SYT16: variants seen among roughly 807,000 people sequenced by gnomAD.
The protein encoded by SYT16 is synaptotagmin 16.
A neutral mutation model predicts 61.4 loss-of-function variants in SYT16; 42 were observed. That is an observed-to-expected ratio of 0.68 (90% CI 0.53 to 0.89). The LOEUF (loss-of-function observed/expected upper bound fraction) is 0.89. Among genes scored for constraint, SYT16 ranks in the 40% least tolerant of loss-of-function variants. The pLI, the probability that SYT16 is intolerant of heterozygous loss-of-function variation, is 0.00. For synonymous variants in SYT16, 314 were observed against 302.3 expected (o/e 1.04, Z -0.40); for missense variants, 804 against 807.3 (o/e 1.00, Z 0.05).
chr14:61,921,320 G>T (rs1250119549), intron 1 of SYT16, among the ~76,000 whole-genome samples: 11 of 152,120 alleles, frequency 7.2e-5, no homozygotes, highest in African/African-American at 2.7e-4. Flanking sequence ...CTTGAATCAG[G>T]TCTAACTCCA....
chr14:62,047,959 A>C (rs913552529), intron 3 of SYT16, among the ~76,000 whole-genome samples: 8 of 152,274 alleles, frequency 5.3e-5, no homozygotes, highest in African/African-American at 1.9e-4. Flanking sequence ...TGTCTCTGCC[A>C]GGCTTTGGTA....
intron 3 of SYT16, among the ~76,000 whole-genome samples, chr14:62,059,253 G>T (rs753624214): frequency 1.3e-5 from 2 of 152,152 alleles, no homozygotes; most frequent in Non-Finnish European, 2.9e-5. Context: ...TTTAAAAACA[G>T]CCCTCAATTT....
intron 3 of SYT16, among the ~76,000 whole-genome samples, chr14:62,046,379 A>G (rs1028455074): frequency 1.3e-5 from 2 of 152,088 alleles, no homozygotes; most frequent in Non-Finnish European, 2.9e-5. Context: ...GTAGGTTGCA[A>G]AAATTTTCTC....
rs776037610 is a variant in SYT16, at chr14:62,080,841, A to G, written c.1001A>G (p.Asp334Gly). Residue 334 changes from aspartate (D) to glycine (G), a missense_variant, in exon 6 of 8, where the codon GAC becomes GGC. Physicochemically the swap from Asp to Gly is moderately conservative, Grantham distance 94. Transcript: ENST00000683842. ...TTCCTCTGCCTGCAACAGGAACAGG[A>G]CAGGACCAATTTGCAGGTGCCATCC... is the stretch of plus-strand genomic sequence containing the variant. The part of the protein sequence containing the change: ...SSSMWSPEEQ[D>G]RTNLQVPSGV... 8 of 1,596,252 alleles carry G rather than the reference A, an allele frequency of 5.0e-6. No homozygotes were observed. In the Admixed American group the frequency reaches 5.2e-5, roughly 10 times the overall value.
intron 3 of SYT16, among the ~76,000 whole-genome samples, chr14:62,005,420 G>A (rs1205791734): frequency 1.3e-5 from 2 of 152,082 alleles, no homozygotes; most frequent in East Asian, 1.9e-4. Flanking sequence ...GAGTCCCAAG[G>A]TTCCTATCCA....
intron 1 of SYT16, among the ~76,000 whole-genome samples, chr14:61,890,647 T>C (rs904467403): frequency 2.0e-5 from 3 of 152,204 alleles, no homozygotes; most frequent in African/African-American, 7.2e-5. Flanking sequence ...TTCATTGATA[T>C]ATGAGAAACT....
chr14:62,096,344 C>G (rs1336929020), intron 7 of SYT16, among the ~76,000 whole-genome samples: 2 of 152,024 alleles, frequency 1.3e-5, no homozygotes, highest in Non-Finnish European at 2.9e-5. Context: ...CACAGTCATT[C>G]ACTTCTAGGT....
chr14:62,098,833 G>A (rs2057345360), intron 7 of SYT16, among the ~76,000 whole-genome samples: 1 of 152,132 alleles, frequency 6.6e-6, no homozygotes, highest in African/African-American at 2.4e-5. Flanking sequence ...ACTATAAGAG[G>A]GTTATCTGAA....
intron 2 of SYT16, among the ~76,000 whole-genome samples, chr14:61,990,871 A>G (rs2052519930): frequency 6.6e-6 from 1 of 152,212 alleles, no homozygotes; most frequent in Non-Finnish European, 1.5e-5. Context: ...TTGATAAAAC[A>G]TATGGCTCAG....
intron 1 of SYT16, among the ~76,000 whole-genome samples, chr14:61,856,073 G>A (rs141409896): frequency 7.2e-5 from 11 of 152,350 alleles, no homozygotes; most frequent in Non-Finnish European, 1.3e-4. Context: ...GGAGCAGAGC[G>A]AGTGGAAGGG....
intron 2 of SYT16, among the ~76,000 whole-genome samples, chr14:61,993,408 T>C (rs944338057): frequency 1.3e-5 from 2 of 151,884 alleles, no homozygotes; most frequent in Non-Finnish European, 2.9e-5. Flanking sequence ...TGCACATGTA[T>C]CCCAGAACTG....
At chr14:61,846,289 T>A (rs1204975362) in intron 1 of SYT16, among the ~76,000 whole-genome samples, 1 of 152,164 alleles carries the variant, frequency 6.6e-6, no homozygotes, top group Non-Finnish European at 1.5e-5. Flanking sequence ...ATTATTGTAC[T>A]GGGGCCTGTC....
intron 1 of SYT16, among the ~76,000 whole-genome samples, chr14:61,903,734 C>A (rs1453236154): frequency 6.6e-6 from 1 of 152,158 alleles, no homozygotes; most frequent in Non-Finnish European, 1.5e-5. Flanking sequence ...GTAGTTCTGG[C>A]AACATATTAT....
chr14:61,983,643 A>C (rs1250118372), intron 2 of SYT16, among the ~76,000 whole-genome samples: 1 of 152,066 alleles, frequency 6.6e-6, no homozygotes, highest in East Asian at 1.9e-4. Flanking sequence ...CTTCAGCCTC[A>C]GTTTCCTAAG....
At chr14:61,844,084 G>T (rs2046373838) in intron 1 of SYT16, among the ~76,000 whole-genome samples, 1 of 151,992 alleles carries the variant, frequency 6.6e-6, no homozygotes, top group African/African-American at 2.4e-5. Context: ...TAGTTCATTA[G>T]TGCTTTGTAG....
At chr14:62,012,799 G>T (rs888496323) in intron 3 of SYT16, among the ~76,000 whole-genome samples, 2 of 152,038 alleles carry the variant, frequency 1.3e-5, no homozygotes, top group African/African-American at 4.8e-5. Context: ...GTGCATCCAG[G>T]AATTGTTCTT....
chr14:62,084,992 A>G (rs1595378947), intron 7 of SYT16, among the ~76,000 whole-genome samples: 1 of 152,350 alleles, frequency 6.6e-6, no homozygotes, highest in Non-Finnish European at 1.5e-5. Flanking sequence ...GAAGTAAAGG[A>G]GGCAGATCTG....
intron 1 of SYT16, among the ~76,000 whole-genome samples, chr14:61,933,663 C>G (rs1366630633): frequency 6.6e-6 from 1 of 152,176 alleles, no homozygotes; most frequent in African/African-American, 2.4e-5. Flanking sequence ...AGCTAAAGGG[C>G]TAGTTGTGTG....
At position 62,108,867 on chromosome 14, in the gene SYT16, A is replaced by G. The variant is rs930916939; in HGVS notation, c.*8160A>G. The G allele has an allele frequency of 1.3e-5, 2 of 152,152 alleles. No homozygotes were observed. Among genetic ancestry groups the G allele is most frequent in the African/African-American group, 4.8e-5 (2 of 41,448 alleles). 9.4% of individuals were successfully genotyped at this position (152,152 alleles called of 1,614,324 possible). On this transcript the variant is annotated 3_prime_UTR_variant, in exon 8 of 8. Coordinates refer to ENST00000683842, the MANE Select transcript of SYT16 (RefSeq NM_001367656.1). ...AGCTGGTCTTTGAGATCTACTTTTT[A>G]AGAAATTAATAAATTTTATTTTTTA...
Sources: allele counts gnomAD v4.1 joint callset (sites outside exome capture counted in the v4.1 genomes callset), GRCh38; gene constraint gnomAD v4.1.1; transcripts MANE v1.5; gene names NCBI Gene and HGNC (gene_info 2026-07-23, HGNC 2026-07-21).